Variants in DGKD observed in about 807,000 individuals in gnomAD.
DGKD encodes the protein diacylglycerol kinase delta.
In DGKD, 68 loss-of-function variants were observed where a neutral mutation model predicts 154.4. That is an observed-to-expected ratio of 0.44 (90% confidence interval 0.36 to 0.54). DGKD has a LOEUF of 0.54. Among genes scored for constraint, DGKD ranks in the 20% least tolerant of loss-of-function variants. DGKD has a pLI of 0.00. For missense variants in DGKD, 1,343 were observed against 1,593.6 expected (o/e 0.84, Z 2.68); for synonymous variants, 693 against 638.0 (o/e 1.09, Z -1.30).
rs959972968 is a variant in DGKD at position 233,469,600 on chromosome 2, T to C, written c.*140T>C. 1.4e-6 allele frequency: 1 copy of C among 692,206 alleles called. No individual in the cohort carries two copies. The highest frequency in any genetic ancestry group is 1.8e-5 in the African/African-American group (1 of 56,086). The allele number at this position is 692,206 out of a possible 1,614,324, so 42.9% of individuals were successfully genotyped here. On this transcript the variant is annotated 3_prime_UTR_variant, in exon 30 of 30. Transcript: ENST00000264057. ...GCCCGCCCCCTTCTCATGGTGCTAC[T>C]TCCTCTGTCAGCTACAGAAAGCCTC...
chr2:233,398,191 G>A (rs1229763352), intron 3 of DGKD, among the ~76,000 whole-genome samples: 1 of 149,420 alleles, frequency 6.7e-6, no homozygotes, highest in Admixed American at 6.7e-5. Flanking sequence ...TGCCCAGGCT[G>A]GAGTGCAGTG....
chr2:233,382,520 G>C (rs541192138), intron 1 of DGKD, among the ~76,000 whole-genome samples: 39 of 152,044 alleles, frequency 2.6e-4, no homozygotes, highest in African/African-American at 9.2e-4. Flanking sequence ...TCCCTCCCCA[G>C]TTTCCCAGCT....
intron 3 of DGKD, among the ~76,000 whole-genome samples, chr2:233,425,332 G>A (rs538238285): frequency 2.9e-4 from 44 of 152,036 alleles, no homozygotes; most frequent in African/African-American, 9.4e-4. Flanking sequence ...GACCACAGGC[G>A]CCCGCCACCA....
intron 1 of DGKD, among the ~76,000 whole-genome samples, chr2:233,365,535 GCA>G (rs1053405725): frequency 5.9e-5 from 9 of 152,090 alleles, no homozygotes; most frequent in African/African-American, 2.2e-4. Context: ...GTGAGCCACT[GCA>G]CCTGCCACAA....
chr2:233,432,217 T>C lies in DGKD; in HGVS notation c.349-2163T>C, dbSNP rs552746000. 1.6e-4 allele frequency among the ~76,000 whole-genome samples: 15 copies of C among 96,718 alleles called. No individual in the cohort carries two copies. The South Asian group carries it at 2.4e-3, about 16-fold the overall frequency. 63.5% of individuals were successfully genotyped at this position (96,718 alleles called of 152,430 possible). On this transcript the variant is annotated intron_variant, in intron 3 of 29. Transcript: ENST00000264057. The stretch of plus-strand genomic sequence containing the variant: ...CCATCCTGGCTAACACGGTGAAACC[T>C]CGTCTCTATTAAAAATACAAAAAAT...
At chr2:233,402,694 C>T (rs957223048) in intron 3 of DGKD, among the ~76,000 whole-genome samples, 5 of 152,162 alleles carry the variant, frequency 3.3e-5, no homozygotes, top group African/African-American at 7.2e-5. Context: ...TCTGTGTGTG[C>T]GCTTTTAGCG....
At chr2:233,451,606 T>A (rs995418581) in intron 17 of DGKD, among the ~76,000 whole-genome samples, 5 of 151,830 alleles carry the variant, frequency 3.3e-5, no homozygotes, top group African/African-American at 1.2e-4. Flanking sequence ...CTCTCTCTAT[T>A]GCCCAGGCTG....
intron 16 of DGKD, 36 bp from the exon 17 acceptor site, chr2:233,450,886 C>T: frequency 6.3e-7 from 1 of 1,579,396 alleles, no homozygotes; most frequent in Non-Finnish European, 8.7e-7. Flanking sequence ...GTCTCTATTC[C>T]ACACAGCTGT....
chr2:233,424,663 G>C (rs2062231201), intron 3 of DGKD, among the ~76,000 whole-genome samples: 1 of 152,146 alleles, frequency 6.6e-6, no homozygotes, highest in South Asian at 2.1e-4. Flanking sequence ...GGAGGTCCAG[G>C]GCTCCGCCTG....
chr2:233,370,567 CTTCTTTTTT>C (rs1321944268), intron 1 of DGKD, among the ~76,000 whole-genome samples: 4 of 114,332 alleles, frequency 3.5e-5, no homozygotes, highest in African/African-American at 7.2e-5. Context: ...TTCAGAACTT[CTTCTTTTTT>C]TTTTTTTTTT....
intron 3 of DGKD, among the ~76,000 whole-genome samples, chr2:233,409,603 G>A (rs2061772655): frequency 6.6e-6 from 1 of 151,684 alleles, no homozygotes; most frequent in Non-Finnish European, 1.5e-5. Flanking sequence ...ATAACCTGGT[G>A]TTTCACAGTA....
intron 3 of DGKD, among the ~76,000 whole-genome samples, chr2:233,401,317 A>G (rs1369920791): frequency 1.3e-5 from 2 of 152,362 alleles, no homozygotes; most frequent in Admixed American, 6.5e-5. Flanking sequence ...TATTCAGTGA[A>G]TGAACTGAAA....
intron 3 of DGKD, among the ~76,000 whole-genome samples, chr2:233,420,786 C>T (rs969288794): frequency 1.3e-5 from 2 of 152,204 alleles, no homozygotes; most frequent in African/African-American, 4.8e-5. Context: ...TGAGTTGAGG[C>T]CCACGATGCT....
chr2:233,437,213 C>T (rs916543375), intron 7 of DGKD, among the ~76,000 whole-genome samples, 164 bp from the exon 8 acceptor site: 8 of 152,178 alleles, frequency 5.3e-5, no homozygotes, highest in Non-Finnish European at 1.0e-4. Context: ...CCAGGGCCCC[C>T]GATGATAGCA....
chr2:233,454,868 G>A lies in DGKD; in HGVS notation c.2370G>A (p.Lys790=), dbSNP rs2063404761. The A allele has an allele frequency of 1.2e-6, 2 of 1,607,864 alleles. No individual in the cohort carries two copies. The highest frequency in any genetic ancestry group is 2.2e-5 in the South Asian group (2 of 90,890). The change falls in exon 19 of 30, where the codon AAG becomes AAA. Residue 790 remains lysine, a synonymous_variant. Transcript: ENST00000264057. The part of the protein sequence containing the change: ...FNNKRDEHPE[K]CRSRTKNMMW... ...ACAAGCGCGATGAGCACCCAGAGAA[G>A]TGCAGGTAGGTAACAGGCTCAGGAG...
intron 1 of DGKD, among the ~76,000 whole-genome samples, chr2:233,379,202 T>TCCC (rs1702753682): frequency 6.6e-6 from 1 of 152,124 alleles, no homozygotes; most frequent in South Asian, 2.1e-4. Flanking sequence ...AGTTCTGCCT[T>TCCC]GGGGGAGTCT....
At chr2:233,431,601 G>A (rs1559538482) in intron 3 of DGKD, among the ~76,000 whole-genome samples, 1 of 152,106 alleles carries the variant, frequency 6.6e-6, no homozygotes, top group South Asian at 2.1e-4. Flanking sequence ...TAACCCAAAC[G>A]GCGTGGTACT....
chr2:233,388,090 C>A, intron 1 of DGKD, 167 bp from the exon 2 acceptor site: 1 of 1,435,466 alleles, frequency 7.0e-7, no homozygotes, highest in Non-Finnish European at 9.2e-7. Context: ...CCCATGCCCC[C>A]GGCAGCGTGC....
intron 3 of DGKD, among the ~76,000 whole-genome samples, chr2:233,426,522 G>A (rs1410681620): frequency 3.9e-5 from 6 of 152,116 alleles, no homozygotes; most frequent in African/African-American, 1.4e-4. Context: ...GATTAGTTAT[G>A]TCTGTTTTTT....
Sources: gnomAD v4.1 joint callset for allele counts (sites outside exome capture counted in the v4.1 genomes callset) on GRCh38, gnomAD v4.1.1 for gene constraint, MANE v1.5 for transcripts, NCBI Gene and HGNC (gene_info 2026-07-23, HGNC 2026-07-21) for gene names.